The following TNIK variants were observed in gnomAD, a reference collection of about 807,000 sequenced individuals.
TNIK encodes the protein TRAF2 and NCK interacting kinase.
Under a neutral mutation model 191.3 loss-of-function variants are expected in TNIK, and 49 were observed. That is an observed-to-expected ratio of 0.26 (90% CI 0.20 to 0.32). The LOEUF (loss-of-function observed/expected upper bound fraction) is 0.32, where lower values mean the gene tolerates loss of function less well. Among genes scored for constraint, TNIK ranks in the 10% least tolerant of loss-of-function variants. The probability of loss-of-function intolerance (pLI) is 1.00; values close to 1 mark genes in which losing one functional copy is unlikely to be tolerated. For missense variants in TNIK, 1,155 were observed against 1,702.3 expected, an observed-to-expected ratio of 0.68 and a Z score of 5.66; for synonymous variants, 594 against 600.9, an observed-to-expected ratio of 0.99 and a Z score of 0.17.
chr3:171,157,576 G>T lies in TNIK; in HGVS notation c.1105C>A (p.Arg369=). The part of the protein sequence containing the change: ...LANKERSEAL[R]RQQLEQQQRE... Reference sequence around the variant, plus strand: ...TGCTGCTGCTCCAGCTGCTGCCTCCGTAGGGCCTCAGAACGCTCCTTGTTG... The same window carrying T: ...TGCTGCTGCTCCAGCTGCTGCCTCCTTAGGGCCTCAGAACGCTCCTTGTTG... The change falls in exon 12 of 33, where the codon CGG becomes AGG. Residue 369 remains arginine (R), a synonymous_variant. Coordinates refer to ENST00000436636, the MANE Select transcript of TNIK (RefSeq NM_015028.4). 1 of 1,559,006 alleles carries T rather than the reference G, an allele frequency of 6.4e-7. No individual in the cohort carries two copies. The highest frequency in any genetic ancestry group is 1.4e-5 in the African/African-American group (1 of 73,434).
intron 21 of TNIK, among the ~76,000 whole-genome samples, chr3:171,106,952 A>G (rs1218498946): frequency 6.6e-6 from 1 of 152,198 alleles, no homozygotes; most frequent in Non-Finnish European, 1.5e-5. Context: ...CCAGACTGGA[A>G]CATTGGAAAA....
chr3:171,295,702 G>C (rs573818744), intron 2 of TNIK, among the ~76,000 whole-genome samples: 118 of 152,314 alleles, frequency 7.7e-4, no homozygotes, highest in African/African-American at 2.8e-3. Context: ...CTGCCTGGAG[G>C]CCACGGTATT....
intron 9 of TNIK, among the ~76,000 whole-genome samples, chr3:171,173,064 G>C (rs1295410095): frequency 1.3e-5 from 2 of 152,122 alleles, no homozygotes; most frequent in Non-Finnish European, 2.9e-5. Flanking sequence ...CACAAAAAGG[G>C]GTGGTGTAGA....
chr3:171,065,368 T>C (rs575511623), intron 32 of TNIK, among the ~76,000 whole-genome samples: 1 of 152,354 alleles, frequency 6.6e-6, no homozygotes, highest in African/African-American at 2.4e-5. Context: ...AAGACCAACC[T>C]GACCTTTGGG....
intron 5 of TNIK, among the ~76,000 whole-genome samples, chr3:171,192,013 A>C (rs1016752041): frequency 6.6e-6 from 1 of 152,216 alleles, no homozygotes; most frequent in Non-Finnish European, 1.5e-5. Context: ...CATGGTATGA[A>C]AAATGAGGTT....
intron 2 of TNIK, among the ~76,000 whole-genome samples, chr3:171,359,426 A>C (rs1714647409): frequency 6.6e-6 from 1 of 152,194 alleles, no homozygotes; most frequent in African/African-American, 2.4e-5. Context: ...GACATTTTGT[A>C]ATTTATCTAG....
intron 1 of TNIK, among the ~76,000 whole-genome samples, chr3:171,451,148 G>T (rs1728122734): frequency 6.6e-6 from 1 of 152,284 alleles, no homozygotes; most frequent in Middle Eastern, 3.4e-3. Context: ...AGCCAACAGG[G>T]TATTGCAGAA....
intron 22 of TNIK, among the ~76,000 whole-genome samples, chr3:171,095,068 A>T (rs1332146246): frequency 6.6e-6 from 1 of 152,188 alleles, no homozygotes; most frequent in Non-Finnish European, 1.5e-5. Context: ...GTTTAACTTA[A>T]ACAGCACTCA....
intron 1 of TNIK, among the ~76,000 whole-genome samples, chr3:171,415,380 C>T (rs1722920502): frequency 6.6e-6 from 1 of 152,122 alleles, no homozygotes; most frequent in Non-Finnish European, 1.5e-5. Context: ...TATTGCTCAC[C>T]ACTGTATCAT....
At chr3:171,094,135 A>G (rs978594714) in intron 22 of TNIK, among the ~76,000 whole-genome samples, 167 bp from the exon 23 acceptor site, 1 of 151,776 alleles carries the variant, frequency 6.6e-6, no homozygotes, top group African/African-American at 2.4e-5. Flanking sequence ...TACATCTCAT[A>G]TTAATTTTTT....
At chr3:171,169,053 A>G (rs1326995872) in intron 9 of TNIK, among the ~76,000 whole-genome samples, 1 of 152,232 alleles carries the variant, frequency 6.6e-6, no homozygotes, top group East Asian at 1.9e-4. Context: ...ATGTAATGAA[A>G]TAAAGGACAC....
At chr3:171,368,856 T>C (rs535416612) in intron 2 of TNIK, among the ~76,000 whole-genome samples, 18 of 152,098 alleles carry the variant, frequency 1.2e-4, no homozygotes, top group Non-Finnish European at 2.4e-4. Context: ...AGGAAACAGT[T>C]GGTTTGTTTT....
intron 4 of TNIK, among the ~76,000 whole-genome samples, chr3:171,209,584 C>T (rs1257072691): frequency 6.6e-6 from 1 of 151,808 alleles, no homozygotes; most frequent in African/African-American, 2.4e-5. Flanking sequence ...TTATTTTCTC[C>T]CACTACTTTT....
Position 171,063,905 on chromosome 3 carries a change from G to A in TNIK, c.4059C>T (p.Asn1353=), listed in dbSNP as rs1459866983. The change falls in exon 33 of 33, where the codon AAC becomes AAT. Residue 1353 remains asparagine, a synonymous_variant. Coordinates refer to ENST00000436636, the MANE Select transcript of TNIK (RefSeq NM_015028.4). ...GTTACCAGTTCATCATGGAATTTCT[G>A]TTGAGGGTCATGAAAAACACTTGGC... ...GSSQVFFMTL[N]RNSMMNW The A allele has an allele frequency of 6.2e-7, 1 of 1,613,664 alleles. No individual in the cohort carries two copies. The highest frequency in any genetic ancestry group is 1.1e-5 in the South Asian group (1 of 91,074).
At chr3:171,303,321 C>A (rs889307043) in intron 2 of TNIK, among the ~76,000 whole-genome samples, 1 of 152,126 alleles carries the variant, frequency 6.6e-6, no homozygotes, top group Non-Finnish European at 1.5e-5. Flanking sequence ...AAATTCCAGA[C>A]TCTAAATGGC....
intron 1 of TNIK, among the ~76,000 whole-genome samples, chr3:171,388,388 T>A (rs1214081390): frequency 6.6e-6 from 1 of 152,210 alleles, no homozygotes; most frequent in Non-Finnish European, 1.5e-5. Flanking sequence ...AAGAACACTT[T>A]AAAATGTAGT....
intron 7 of TNIK, among the ~76,000 whole-genome samples, chr3:171,188,488 A>AT (rs890485146): frequency 1.3e-5 from 2 of 152,160 alleles, no homozygotes; most frequent in African/African-American, 2.4e-5. Flanking sequence ...CTTTTTATTT[A>AT]TTTTTTTATT....
intron 1 of TNIK, among the ~76,000 whole-genome samples, chr3:171,433,398 C>A (rs1725610674): frequency 6.6e-6 from 1 of 152,068 alleles, no homozygotes. Flanking sequence ...AAAGGAAAAT[C>A]ATACATAATT....
rs572448657 is a variant in TNIK at position 171,107,266 on chromosome 3, G to A, written c.2383-60C>T. Reference sequence around the variant, plus strand: ...CAGAAGGAGGAAAAGCCAGCAGAAAGGCAGCAGATTAGACACAAAATTGTA... The same window carrying A: ...CAGAAGGAGGAAAAGCCAGCAGAAAAGCAGCAGATTAGACACAAAATTGTA... On this transcript the variant is annotated intron_variant, in intron 20 of 32. Transcript: ENST00000436636. 8.4e-6 allele frequency: 13 copies of A among 1,546,376 alleles called. No homozygotes were observed. The East Asian group carries it at 1.6e-4, about 19-fold the overall frequency.
Sources: allele counts gnomAD v4.1 joint callset (sites outside exome capture counted in the v4.1 genomes callset), GRCh38; gene constraint gnomAD v4.1.1; transcripts MANE v1.5; gene names NCBI Gene and HGNC (gene_info 2026-07-23, HGNC 2026-07-21).